AAMDC: variants seen among roughly 807,000 people sequenced by gnomAD.
The protein encoded by AAMDC is mth938 domain-containing protein.
In AAMDC, 16 loss-of-function variants were observed where a neutral mutation model predicts 15.5. That is an observed-to-expected ratio of 1.03 (90% CI 0.70 to 1.57). The LOEUF (loss-of-function observed/expected upper bound fraction) is 1.57, where lower values mean the gene tolerates loss of function less well. Ranked by LOEUF, AAMDC falls within the 40% of genes most tolerant of loss-of-function variation. The probability of loss-of-function intolerance (pLI) is 0.00; values close to 1 mark genes in which losing one functional copy is unlikely to be tolerated. For missense variants in AAMDC, 141 were observed against 144.9 expected, an observed-to-expected ratio of 0.97 and a Z score of 0.14; for synonymous variants, 51 against 51.6, an observed-to-expected ratio of 0.99 and a Z score of 0.05.
At chr11:77,842,037 C>A (rs1393932621) in intron 1 of AAMDC, among the ~76,000 whole-genome samples, 1 of 152,100 alleles carries the variant, frequency 6.6e-6, no homozygotes, top group Non-Finnish European at 1.5e-5. Context: ...AAGAAATTGT[C>A]CTTATCTGAA....
At position 77,891,251 on chromosome 11, in the gene AAMDC, G is replaced by A. The variant is rs1002346968; in HGVS notation, c.329-9320G>A. On this transcript the variant is annotated intron_variant, in intron 5 of 5. Transcript: ENST00000304716. The stretch of plus-strand genomic sequence containing the variant: ...TGTCCCTCAAGTAGAGACTACAGGG[G>A]TGCTAACATTAAATACTTCAACACA... 5.8e-5 allele frequency: 85 copies of A among 1,475,996 alleles called. No homozygotes were observed. In the African/African-American group the frequency reaches 1.0e-3, roughly 18 times the overall value. The allele number at this position is 1,475,996 out of a possible 1,614,324, so 91.4% of individuals were successfully genotyped here. A position where few individuals can be genotyped will look rare whatever the true frequency, so the allele number is the denominator to read the frequency against.
At chr11:77,892,296 G>A (rs1393550945) in intron 5 of AAMDC, among the ~76,000 whole-genome samples, 1 of 152,218 alleles carries the variant, frequency 6.6e-6, no homozygotes. Flanking sequence ...AGGGGATGAT[G>A]CCTCACTGAG....
downstream of AAMDC, among the ~76,000 whole-genome samples, chr11:77,872,971 A>G (rs1354838647): frequency 1.3e-5 from 2 of 152,198 alleles, no homozygotes; most frequent in Non-Finnish European, 2.9e-5. Context: ...AAATTCAAGT[A>G]TAAAATGTTG....
chr11:77,823,301 A>AATTTAAT (rs1949016594), intron 1 of AAMDC, among the ~76,000 whole-genome samples: 1 of 151,928 alleles, frequency 6.6e-6, no homozygotes, highest in Non-Finnish European at 1.5e-5. Flanking sequence ...AAGAAGTTTT[A>AATTTAAT]ATTTAATAAG....
chr11:77,902,465 A>G (rs1952806678), downstream of AAMDC, among the ~76,000 whole-genome samples: 2 of 152,210 alleles, frequency 1.3e-5, no homozygotes, highest in South Asian at 4.1e-4. Context: ...TGGATCAGAC[A>G]AGAGTTCAGC....
chr11:77,872,899 C>T (rs916459411), downstream of AAMDC, among the ~76,000 whole-genome samples: 2 of 152,020 alleles, frequency 1.3e-5, no homozygotes, highest in African/African-American at 4.8e-5. Context: ...TGCGGTGAGC[C>T]GAAATGGTGC....
intron 2 of AAMDC, among the ~76,000 whole-genome samples, chr11:77,848,025 G>A (rs1381713713): frequency 6.6e-6 from 1 of 152,150 alleles, no homozygotes; most frequent in Non-Finnish European, 1.5e-5. Flanking sequence ...ATTGGATGAT[G>A]CCTACCAACA....
At chr11:77,832,270 T>C (rs1949464047) in intron 1 of AAMDC, among the ~76,000 whole-genome samples, 1 of 152,152 alleles carries the variant, frequency 6.6e-6, no homozygotes, top group Non-Finnish European at 1.5e-5. Flanking sequence ...GATTCTCATA[T>C]ATAAATTTAT....
intron 5 of AAMDC, among the ~76,000 whole-genome samples, chr11:77,895,907 G>T (rs1952497775): frequency 6.6e-6 from 1 of 152,168 alleles, no homozygotes; most frequent in Middle Eastern, 3.2e-3. Context: ...GGAAAGCTAT[G>T]AAAGTGAGGC....
chr11:77,875,577 G>A (rs150158813), downstream of AAMDC, among the ~76,000 whole-genome samples: 24 of 152,266 alleles, frequency 1.6e-4, no homozygotes, highest in East Asian at 4.6e-3. Context: ...TCTTCCAATT[G>A]CTGTTATCTT....
chr11:77,867,108 T>C (rs560614512), intron 2 of AAMDC, among the ~76,000 whole-genome samples: 128 of 152,362 alleles, frequency 8.4e-4, no homozygotes, highest in African/African-American at 3.1e-3. Flanking sequence ...CCCAAAGTGC[T>C]GGGATTACAG....
At chr11:77,867,654 G>C (rs1397203382) in intron 2 of AAMDC, among the ~76,000 whole-genome samples, 2 of 152,226 alleles carry the variant, frequency 1.3e-5, no homozygotes, top group South Asian at 2.1e-4. Context: ...CATTGTCCTT[G>C]TGCAGAAACA....
At chr11:77,823,987 A>T (rs1461961226) in intron 1 of AAMDC, among the ~76,000 whole-genome samples, 2 of 152,082 alleles carry the variant, frequency 1.3e-5, no homozygotes, top group African/African-American at 4.8e-5. Flanking sequence ...AAACAGACTG[A>T]TAAATAAAGG....
chr11:77,856,422 A>C (rs912784476), intron 2 of AAMDC, among the ~76,000 whole-genome samples: 1 of 152,118 alleles, frequency 6.6e-6, no homozygotes. Flanking sequence ...CCCTCTGCCC[A>C]TTACCTAGTT....
At chr11:77,841,344 T>A in intron 1 of AAMDC, 1 of 628,518 alleles carries the variant, frequency 1.6e-6, no homozygotes, top group Admixed American at 2.5e-5. Flanking sequence ...AATATGTGTC[T>A]ACTTTAGTCT....
At chr11:77,900,465 G>C (rs1952742130) in intron 5 of AAMDC, 1 of 557,102 alleles carries the variant, frequency 1.8e-6, no homozygotes, top group Non-Finnish European at 3.2e-6. Context: ...GATACGTGAA[G>C]AAATAAAATA....
downstream of AAMDC, chr11:77,903,761 G>A (rs1268445754): frequency 1.5e-6 from 1 of 650,864 alleles, no homozygotes; most frequent in African/African-American, 1.8e-5. Flanking sequence ...AACCCAATAA[G>A]CTGTATCTAT....
intron 5 of AAMDC, among the ~76,000 whole-genome samples, chr11:77,887,346 G>A (rs1952057367): frequency 2.0e-5 from 3 of 152,326 alleles, no homozygotes; most frequent in Non-Finnish European, 4.4e-5. Context: ...AATAGAGGCA[G>A]AAAAGGCCTT....
At chr11:77,846,973 T>A (rs1950173957) in intron 2 of AAMDC, among the ~76,000 whole-genome samples, 2 of 152,222 alleles carry the variant, frequency 1.3e-5, no homozygotes, top group African/African-American at 4.8e-5. Context: ...TTTTAATTTT[T>A]TGACTGATGG....
Sources: gnomAD v4.1 joint callset for allele counts (sites outside exome capture counted in the v4.1 genomes callset) on GRCh38, gnomAD v4.1.1 for gene constraint, MANE v1.5 for transcripts, NCBI Gene and HGNC (gene_info 2026-07-23, HGNC 2026-07-21) for gene names.